Variants in GLI2 observed in about 807,000 individuals in gnomAD.
The protein encoded by GLI2 is transcription activator GLI2.
GLI2 carries 22 observed loss-of-function variants against 78.9 expected under a neutral mutation model. The ratio of observed to expected loss-of-function variants is 0.28; its 90% confidence interval spans 0.20 to 0.40. The LOEUF (loss-of-function observed/expected upper bound fraction) is 0.40. Among genes scored for constraint, GLI2 ranks in the 10% least tolerant of loss-of-function variants. The pLI, the probability that GLI2 is intolerant of heterozygous loss-of-function variation, is 1.00. For missense variants in GLI2, 2,097 were observed against 2,213.2 expected, an observed-to-expected ratio of 0.95 and a Z score of 1.05; for synonymous variants, 974 against 963.7, an observed-to-expected ratio of 1.01 and a Z score of -0.20.
intron 5 of GLI2, among the ~76,000 whole-genome samples, chr2:120,955,677 A>T (rs1681226748): frequency 6.6e-6 from 1 of 152,202 alleles, no homozygotes; most frequent in Admixed American, 6.5e-5. Flanking sequence ...CTTACAGTGC[A>T]ATGGGGAGAA....
intron 1 of GLI2, among the ~76,000 whole-genome samples, chr2:120,758,243 A>G (rs1198640157): frequency 6.6e-6 from 1 of 152,230 alleles, no homozygotes; most frequent in African/African-American, 2.4e-5. Context: ...TTTTACTCCT[A>G]GCACCACACA....
chr2:120,774,743 CA>C (rs1439781537), intron 1 of GLI2, among the ~76,000 whole-genome samples: 1 of 152,202 alleles, frequency 6.6e-6, no homozygotes, highest in African/African-American at 2.4e-5. Context: ...CTGTGTGCTC[CA>C]GTTTGCCACA....
chr2:120,923,281 CA>C (rs1679481597), intron 2 of GLI2, among the ~76,000 whole-genome samples: 1 of 5,932 alleles, frequency 1.7e-4, no homozygotes, highest in Admixed American at 2.4e-3. Flanking sequence ...CATACATGTA[CA>C]ACACACACAT....
intron 2 of GLI2, among the ~76,000 whole-genome samples, chr2:120,834,205 C>G (rs1329296114): frequency 2.0e-5 from 3 of 152,170 alleles, no homozygotes; most frequent in Non-Finnish European, 2.9e-5. Flanking sequence ...TTCACACTTC[C>G]CAGTGGGAGG....
intron 2 of GLI2, among the ~76,000 whole-genome samples, chr2:120,903,879 T>C (rs950876074): frequency 1.3e-5 from 2 of 152,204 alleles, no homozygotes; most frequent in Non-Finnish European, 2.9e-5. Flanking sequence ...CAGGAACTTA[T>C]GAAGCGGGCG....
chr2:120,749,098 C>T (rs1682784093), intron 1 of GLI2, among the ~76,000 whole-genome samples: 1 of 152,238 alleles, frequency 6.6e-6, no homozygotes, highest in Admixed American at 6.5e-5. Context: ...TTTCCTACCA[C>T]AGCCCTAGGC....
At chr2:120,966,448 A>C (rs1573693244) in intron 5 of GLI2, among the ~76,000 whole-genome samples, 1 of 152,088 alleles carries the variant, frequency 6.6e-6, no homozygotes, top group East Asian at 1.9e-4. Context: ...GAGTCCCTTC[A>C]TCCCAGGCTG....
chr2:120,877,836 G>A (rs1688837805), intron 2 of GLI2, among the ~76,000 whole-genome samples: 1 of 152,026 alleles, frequency 6.6e-6, no homozygotes, highest in Non-Finnish European at 1.5e-5. Context: ...GAACATCCTT[G>A]TACGGTCTCG....
chr2:120,798,439 A>G (rs1316903639), intron 2 of GLI2, among the ~76,000 whole-genome samples: 3 of 152,210 alleles, frequency 2.0e-5, no homozygotes, highest in Admixed American at 6.5e-5. Flanking sequence ...GCCCAGGAAC[A>G]TGGAAAGACC....
intron 6 of GLI2, among the ~76,000 whole-genome samples, chr2:120,969,867 C>T (rs142804062): frequency 0.01 from 1,539 of 152,316 alleles, 16 homozygotes; most frequent in Non-Finnish European, 0.016. Context: ...ATGTCTTTTA[C>T]GGCCCAACCA....
intron 2 of GLI2, among the ~76,000 whole-genome samples, chr2:120,819,216 G>A (rs1307075504): frequency 6.7e-6 from 1 of 149,972 alleles, no homozygotes; most frequent in African/African-American, 2.5e-5. Flanking sequence ...GATATTCAGA[G>A]TGACAGAGTG....
At chr2:120,920,914 A>AC (rs1386479097) in intron 2 of GLI2, among the ~76,000 whole-genome samples, 5 of 151,094 alleles carry the variant, frequency 3.3e-5, no homozygotes, top group South Asian at 4.2e-4. Context: ...AAAAAAAAAA[A>AC]ACACAAAAGC....
chr2:120,838,401 C>A (rs191333654), intron 2 of GLI2, among the ~76,000 whole-genome samples: 1 of 152,284 alleles, frequency 6.6e-6, no homozygotes, highest in African/African-American at 2.4e-5. Flanking sequence ...TGTGTCCCTA[C>A]AAATTTTATA....
intron 2 of GLI2, among the ~76,000 whole-genome samples, chr2:120,798,036 G>A (rs1474818362): frequency 6.6e-6 from 1 of 152,204 alleles, no homozygotes; most frequent in Non-Finnish European, 1.5e-5. Flanking sequence ...ATCCGTGCCA[G>A]CATCCCGTTG....
At chr2:120,888,042 T>C (rs1677500967) in intron 2 of GLI2, among the ~76,000 whole-genome samples, 1 of 152,224 alleles carries the variant, frequency 6.6e-6, no homozygotes, top group Admixed American at 6.5e-5. Flanking sequence ...AGTTCAAGTT[T>C]GCCAAAGTGA....
At chr2:120,889,162 T>G (rs1274091693) in intron 2 of GLI2, among the ~76,000 whole-genome samples, 3 of 152,240 alleles carry the variant, frequency 2.0e-5, no homozygotes, top group Non-Finnish European at 4.4e-5. Context: ...TTTCTGCCCC[T>G]GTGTCTCAGA....
intron 2 of GLI2, among the ~76,000 whole-genome samples, chr2:120,880,810 G>C (rs1341586637): frequency 6.6e-6 from 1 of 152,184 alleles, no homozygotes; most frequent in Admixed American, 6.5e-5. Flanking sequence ...GTTGGTATGT[G>C]AGGTGAAAAT....
intron 2 of GLI2, among the ~76,000 whole-genome samples, chr2:120,838,651 C>T (rs2104572153): frequency 6.6e-6 from 1 of 152,328 alleles, no homozygotes; most frequent in Non-Finnish European, 1.5e-5. Flanking sequence ...AAGTCATTTA[C>T]ACTCATGCAC....
chr2:120,976,866 TG>T (rs1682479204), intron 9 of GLI2, among the ~76,000 whole-genome samples: 1 of 152,236 alleles, frequency 6.6e-6, no homozygotes, highest in African/African-American at 2.4e-5. Context: ...GAAAGATGGA[TG>T]GAGCAGGCGC....
Sources: gnomAD v4.1 joint callset for allele counts (sites outside exome capture counted in the v4.1 genomes callset) on GRCh38, gnomAD v4.1.1 for gene constraint, MANE v1.5 for transcripts, NCBI Gene and HGNC (gene_info 2026-07-23, HGNC 2026-07-21) for gene names.